The following CADM2 variants were observed in gnomAD, a reference collection of about 807,000 sequenced individuals.
CADM2 encodes cell adhesion molecule 2, also known as immunoglobulin superfamily member 4D.
A neutral mutation model predicts 49.8 loss-of-function variants in CADM2; 12 were observed. That is an observed-to-expected ratio of 0.24 (90% confidence interval 0.15 to 0.39). CADM2 has a LOEUF of 0.39. Ranked by LOEUF, CADM2 falls within the 10% of genes least tolerant of loss-of-function variation. The probability of loss-of-function intolerance (pLI) is 1.00; values close to 1 mark genes in which losing one functional copy is unlikely to be tolerated. For missense variants in CADM2, 378 were observed against 492.3 expected (o/e 0.77, Z 2.20); for synonymous variants, 214 against 175.4 (o/e 1.22, Z -1.74).
At chr3:85,554,019 C>G (rs991630257) in intron 1 of CADM2, among the ~76,000 whole-genome samples, 1 of 151,712 alleles carries the variant, frequency 6.6e-6, no homozygotes, top group Admixed American at 6.6e-5. Flanking sequence ...TTATACTTCA[C>G]AATTAATACT....
chr3:85,777,048 C>T (rs2070392125), intron 2 of CADM2, among the ~76,000 whole-genome samples: 1 of 151,964 alleles, frequency 6.6e-6, no homozygotes, highest in Non-Finnish European at 1.5e-5. Context: ...TAAACCGTTT[C>T]AAATTCATTG....
intron 1 of CADM2, among the ~76,000 whole-genome samples, chr3:85,274,816 G>T (rs1040711830): frequency 1.3e-5 from 2 of 151,344 alleles, no homozygotes; most frequent in African/African-American, 4.8e-5. Flanking sequence ...ACCACTGAAA[G>T]CCCTACAGTT....
chr3:85,902,174 T>G (rs1162430277), intron 5 of CADM2, among the ~76,000 whole-genome samples: 1 of 152,074 alleles, frequency 6.6e-6, no homozygotes, highest in African/African-American at 2.4e-5. Flanking sequence ...ACTAAATGGT[T>G]TCTGCTTCAC....
At chr3:85,053,275 G>A (rs554485708) in intron 1 of CADM2, among the ~76,000 whole-genome samples, 1 of 151,992 alleles carries the variant, frequency 6.6e-6, no homozygotes, top group African/African-American at 2.4e-5. Context: ...GGATGAATAA[G>A]AATATAATAC....
At chr3:85,285,434 A>G (rs2043610548) in intron 1 of CADM2, among the ~76,000 whole-genome samples, 1 of 152,150 alleles carries the variant, frequency 6.6e-6, no homozygotes, top group African/African-American at 2.4e-5. Flanking sequence ...AAATATGTCT[A>G]AATGATGAAG....
At chr3:85,384,888 A>T (rs1054521718) in intron 1 of CADM2, among the ~76,000 whole-genome samples, 1 of 152,082 alleles carries the variant, frequency 6.6e-6, no homozygotes, top group Non-Finnish European at 1.5e-5. Context: ...AAATATATAA[A>T]TGTTTTCCTA....
At chr3:85,652,567 A>G (rs534479048) in intron 1 of CADM2, among the ~76,000 whole-genome samples, 6 of 152,148 alleles carry the variant, frequency 3.9e-5, no homozygotes, top group African/African-American at 1.2e-4. Context: ...TTGGACTGAG[A>G]TGCTCACTTC....
intron 3 of CADM2, among the ~76,000 whole-genome samples, chr3:85,870,454 C>T (rs967431492): frequency 4.6e-5 from 7 of 152,002 alleles, no homozygotes; most frequent in Non-Finnish European, 1.0e-4. Context: ...TTCTTTGTGT[C>T]TGTGTGTTCT....
At chr3:85,775,282 T>C (rs1420469196) in intron 2 of CADM2, among the ~76,000 whole-genome samples, 2 of 151,832 alleles carry the variant, frequency 1.3e-5, no homozygotes, top group East Asian at 3.8e-4. Flanking sequence ...AATCTTTAAA[T>C]GGGAGTCCAT....
At chr3:85,310,246 T>G (rs1048467781) in intron 1 of CADM2, among the ~76,000 whole-genome samples, 1 of 152,178 alleles carries the variant, frequency 6.6e-6, no homozygotes, top group East Asian at 1.9e-4. Context: ...AAAGATAATC[T>G]TCAAAGTAGG....
At chr3:85,863,761 A>C (rs112516948) in intron 3 of CADM2, among the ~76,000 whole-genome samples, 29 of 152,272 alleles carry the variant, frequency 1.9e-4, no homozygotes, top group African/African-American at 7.0e-4. Context: ...GCCACCAAAA[A>C]CCCCTAAACA....
intron 8 of CADM2, among the ~76,000 whole-genome samples, chr3:86,011,852 A>G (rs1244716473): frequency 6.6e-6 from 1 of 152,176 alleles, no homozygotes; most frequent in Non-Finnish European, 1.5e-5. Flanking sequence ...TAATGGGAAT[A>G]TAAGTGATTT....
intron 2 of CADM2, among the ~76,000 whole-genome samples, chr3:85,779,165 C>T (rs1027459302): frequency 6.6e-6 from 1 of 151,454 alleles, no homozygotes; most frequent in Non-Finnish European, 1.5e-5. Context: ...TATTTTTGGT[C>T]AAAGGAGAAC....
At chr3:85,110,461 A>T (rs1458677296) in intron 1 of CADM2, among the ~76,000 whole-genome samples, 1 of 151,838 alleles carries the variant, frequency 6.6e-6, no homozygotes, top group East Asian at 1.9e-4. Context: ...AGCATGTATA[A>T]TACTGAAAAC....
chr3:85,668,633 T>A (rs918659985), intron 1 of CADM2, among the ~76,000 whole-genome samples: 1 of 152,150 alleles, frequency 6.6e-6, no homozygotes, highest in African/African-American at 2.4e-5. Flanking sequence ...TCTCTTTGCC[T>A]GCTGCCATCC....
At chr3:85,683,779 G>C (rs1353702059) in intron 1 of CADM2, among the ~76,000 whole-genome samples, 1 of 152,212 alleles carries the variant, frequency 6.6e-6, no homozygotes, top group Admixed American at 6.5e-5. Context: ...AGTGCAAACA[G>C]TGGAAAAGTT....
intron 1 of CADM2, among the ~76,000 whole-genome samples, chr3:85,206,399 C>T (rs542438158): frequency 2.0e-5 from 3 of 151,436 alleles, no homozygotes; most frequent in Admixed American, 6.6e-5. Context: ...GCTCCGCCTC[C>T]CAGGTTCACA....
intron 1 of CADM2, among the ~76,000 whole-genome samples, chr3:85,468,509 A>C (rs931823992): frequency 5.3e-5 from 8 of 152,196 alleles, no homozygotes; most frequent in Non-Finnish European, 8.8e-5. Flanking sequence ...ATCATTCTTA[A>C]GTGAGTATAT....
intron 5 of CADM2, among the ~76,000 whole-genome samples, chr3:85,891,232 C>T (rs1714392123): frequency 6.6e-6 from 1 of 152,172 alleles, no homozygotes; most frequent in African/African-American, 2.4e-5. Flanking sequence ...AAAAGATGTG[C>T]ATTGCCTTCC....
Sources: allele counts gnomAD v4.1 joint callset (sites outside exome capture counted in the v4.1 genomes callset), GRCh38; gene constraint gnomAD v4.1.1; transcripts MANE v1.5; gene names NCBI Gene and HGNC (gene_info 2026-07-23, HGNC 2026-07-21).